The following DNAH1 variants were observed in gnomAD, a reference collection of about 807,000 sequenced individuals.
DNAH1 encodes axonemal beta dynein heavy chain 1.
In DNAH1, 327 loss-of-function variants were observed where a neutral mutation model predicts 484.3. The observed-to-expected ratio is 0.68, with a 90% CI of 0.62 to 0.74. The LOEUF (loss-of-function observed/expected upper bound fraction) is 0.74, where lower values mean the gene tolerates loss of function less well. DNAH1 is among the 30% of genes least tolerant of loss of function. The pLI is 0.00. For synonymous variants in DNAH1, 2,192 were observed against 2,191.9 expected (o/e 1.00, Z 0.00); for missense variants, 5,052 against 5,546.8 (o/e 0.91, Z 2.83).
At chr3:52,351,050 A>G (rs2153223979) in intron 16 of DNAH1, among the ~76,000 whole-genome samples, 1 of 152,216 alleles carries the variant, frequency 6.6e-6, no homozygotes, top group South Asian at 2.1e-4. Context: ...GGGTTTCACC[A>G]TGTTGGCTAG....
chr3:52,343,937 C>T (rs921213265), intron 8 of DNAH1, among the ~76,000 whole-genome samples: 3 of 152,038 alleles, frequency 2.0e-5, no homozygotes, highest in Non-Finnish European at 4.4e-5. Flanking sequence ...ATGGTGTGCA[C>T]GCTCACCCCA....
At chr3:52,352,157 A>C in intron 17 of DNAH1, 54 bp downstream of exon 17, 1 of 1,544,356 alleles carries the variant, frequency 6.5e-7, no homozygotes, top group Non-Finnish European at 8.7e-7. Flanking sequence ...ACACGCACGC[A>C]CAGTTCTCCA....
chr3:52,388,355 G>C (rs1190918480), intron 57 of DNAH1, 21 bp downstream of exon 57: 1 of 1,600,196 alleles, frequency 6.2e-7, no homozygotes, highest in Non-Finnish European at 8.5e-7. Flanking sequence ...AGTGGAGCTG[G>C]TGGGGGAGGG....
chr3:52,371,098 C>T lies in DNAH1; in HGVS notation c.6525+273C>T, dbSNP rs543325072. Reference sequence around the variant, plus strand: ...CTCCCTTTCCAGCCATATGCACTGCCTCTTCCACATTGATGCGGAGCCCAG... The same window carrying T: ...CTCCCTTTCCAGCCATATGCACTGCTTCTTCCACATTGATGCGGAGCCCAG... On this transcript the variant is annotated intron_variant, in intron 41 of 77. Coordinates refer to ENST00000420323, the MANE Select transcript of DNAH1 (RefSeq NM_015512.5). Among the ~76,000 whole-genome samples the T allele has an allele frequency of 4.6e-5, 7 of 152,342 alleles. No individual in the cohort carries two copies. In the South Asian group the frequency reaches 1.4e-3, roughly 32 times the overall value.
rs1363527629 is a variant in DNAH1 at position 52,361,401 on chromosome 3, T to C, written c.4874+49T>C. The C allele has an allele frequency of 6.7e-7, 1 of 1,488,570 alleles. No homozygotes were observed. The highest frequency in any genetic ancestry group is 9.0e-7 in the Non-Finnish European group (1 of 1,111,346). The allele number at this position is 1,488,570 out of a possible 1,614,324, so 92.2% of individuals were successfully genotyped here. A position where few individuals can be genotyped will look rare whatever the true frequency, so the allele number is the denominator to read the frequency against. ...ACAGGATGGGGTGGGACAGCCTAGCTCTCCTTGGGGAGGGCTAGGTGAGGG... is the reference window on the plus strand; with the variant it reads ...ACAGGATGGGGTGGGACAGCCTAGCCCTCCTTGGGGAGGGCTAGGTGAGGG... On this transcript the variant is annotated intron_variant, in intron 29 of 77. Coordinates refer to ENST00000420323, the MANE Select transcript of DNAH1 (RefSeq NM_015512.5). This position sits in a 1 kb window ranked among gnomAD's most constrained non-coding sequence, Gnocchi z 5.6.
At chr3:52,348,030 CT>C in intron 12 of DNAH1, 56 bp downstream of exon 12, 1 of 1,536,412 alleles carries the variant, frequency 6.5e-7, no homozygotes, top group Non-Finnish European at 8.8e-7. Flanking sequence ...CTGCTGATGG[CT>C]CCCTGAGCTC....
intron 60 of DNAH1, among the ~76,000 whole-genome samples, chr3:52,390,543 G>A (rs965586073): frequency 1.1e-4 from 17 of 152,210 alleles, no homozygotes; most frequent in Admixed American, 3.9e-4. Flanking sequence ...GAGGCCAGGC[G>A]TGGGCAGAGG....
intron 76 of DNAH1, 113 bp from the exon 77 acceptor site, chr3:52,399,432 A>T (rs1704803305): frequency 3.8e-6 from 4 of 1,045,700 alleles, no homozygotes; most frequent in Non-Finnish European, 5.6e-6. Context: ...TAGGTACGTG[A>T]TGATGGGCAG....
chr3:52,385,791 T>C (rs764378756), intron 54 of DNAH1, among the ~76,000 whole-genome samples: 4 of 152,254 alleles, frequency 2.6e-5, no homozygotes, highest in Non-Finnish European at 4.4e-5. Context: ...GACAGCTTTC[T>C]GGAAGGAATA....
In DNAH1 at chr3:52,322,600, C is replaced by T; in HGVS notation, c.158C>T (p.Pro53Leu). 2 of 1,613,918 alleles carry T rather than the reference C, an allele frequency of 1.2e-6. No individual in the cohort carries two copies. The highest frequency in any genetic ancestry group is 2.7e-5 in the African/African-American group (2 of 75,008). ...PGSDYGLGNP[P>L]ALDPKLPHLP... ...TCAGACTATGGGTTGGGAAATCCTC[C>T]AGCCCTTGACCCCAAGCTCCCACAT... Residue 53 changes from proline (P) to leucine (L), a missense_variant, in exon 2 of 78, where the codon CCA (proline) becomes CTA (leucine). Pro to Leu is a moderately conservative substitution (Grantham distance 98). Coordinates refer to ENST00000420323, the MANE Select transcript of DNAH1 (RefSeq NM_015512.5).
At chr3:52,330,608 G>A (rs1044351908) in intron 6 of DNAH1, among the ~76,000 whole-genome samples, 1 of 152,178 alleles carries the variant, frequency 6.6e-6, no homozygotes, top group Admixed American at 6.5e-5. Flanking sequence ...AGAGAAGTGG[G>A]CACAGGCTTT....
Position 52,384,867 on chromosome 3 carries a change from G to A in DNAH1, c.8404G>A (p.Val2802Met). Residue 2802 changes from valine (V) to methionine (M), a missense_variant, in exon 53 of 78, where the codon GTG becomes ATG. Coordinates refer to ENST00000420323, the MANE Select transcript of DNAH1 (RefSeq NM_015512.5). ...YLAELTRHNY[V>M]TPKSYLELLH... Reference sequence around the variant, plus strand: ...GGCAGAGCTGACCCGCCACAACTATGTGACCCCCAAGAGCTACTTGGAGCT... The same window carrying A: ...GGCAGAGCTGACCCGCCACAACTATATGACCCCCAAGAGCTACTTGGAGCT... 1.9e-6 allele frequency: 3 copies of A among 1,613,060 alleles called. No homozygotes were observed. Among genetic ancestry groups the A allele is most frequent in the Non-Finnish European group, 2.5e-6 (3 of 1,179,454 alleles).
Position 52,345,712 on chromosome 3 carries a change from T to C in DNAH1, c.1656+6T>C, listed in dbSNP as rs771986943. ...AGTCACAGACCTTCTCCCAGGTTTG[T>C]GGGCATCAAGGGCACAGGGGGCAAA... On this transcript the variant is annotated splice_donor_region_variant and intron_variant, in intron 10 of 77. Coordinates refer to ENST00000420323, the MANE Select transcript of DNAH1 (RefSeq NM_015512.5). 7.5e-6 allele frequency: 12 copies of C among 1,610,628 alleles called. No individual in the cohort carries two copies. In the South Asian group the frequency reaches 1.1e-4, roughly 15 times the overall value.
intron 8 of DNAH1, among the ~76,000 whole-genome samples, chr3:52,340,597 G>A (rs1401374387): frequency 6.6e-6 from 1 of 151,880 alleles, no homozygotes; most frequent in Non-Finnish European, 1.5e-5. Context: ...ACCACGCCTA[G>A]CTAATTTTTG....
intron 26 of DNAH1, 114 bp from the exon 27 acceptor site, chr3:52,359,802 C>T (rs908041387): frequency 7.1e-7 from 1 of 1,401,282 alleles, no homozygotes; most frequent in Non-Finnish European, 9.8e-7. Context: ...CTCAGACCAT[C>T]AGAGACCCCC....
At chr3:52,369,258 A>T (rs1344062898) in intron 37 of DNAH1, among the ~76,000 whole-genome samples, 4 of 152,130 alleles carry the variant, frequency 2.6e-5, no homozygotes, top group Non-Finnish European at 5.9e-5. Flanking sequence ...AATTTCAGCC[A>T]TGTTGCCCCA....
chr3:52,391,137 C>G (rs752684776), intron 61 of DNAH1, 42 bp from the exon 62 acceptor site: 15 of 1,612,294 alleles, frequency 9.3e-6, no homozygotes, highest in Non-Finnish European at 1.3e-5. Flanking sequence ...CTCAGGCTGG[C>G]TCTCAGTCCC....
At position 52,355,108 on chromosome 3, in the gene DNAH1, G is replaced by A. The variant is rs1446931939; in HGVS notation, c.3693+53G>A. 19 of 1,557,852 alleles carry A rather than the reference G, an allele frequency of 1.2e-5. No homozygotes were observed. The highest frequency in any genetic ancestry group is 4.5e-5 in the East Asian group (2 of 44,602). On this transcript the variant is annotated intron_variant, in intron 21 of 77. Coordinates refer to ENST00000420323, the MANE Select transcript of DNAH1 (RefSeq NM_015512.5). The surrounding 1 kb of genome is among the most constrained non-coding windows in gnomAD (Gnocchi z 4.5). The stretch of plus-strand genomic sequence containing the variant: ...ATCGCTCCCCCACTTCAGAGAGCCC[G>A]ACCCACAGGTGTCACTGATGGTCTC...
Position 52,361,571 on chromosome 3 carries a change from C to G in DNAH1, c.4875-90C>G. 7.1e-7 allele frequency: 1 copy of G among 1,411,564 alleles called. No individual in the cohort carries two copies. The highest frequency in any genetic ancestry group is 9.7e-7 in the Non-Finnish European group (1 of 1,031,436). The allele number at this position is 1,411,564 out of a possible 1,614,324, so 87.4% of individuals were successfully genotyped here. ...GGAGATTGCCCCTGAGGGCTTCCTCCCAAGTGGAGTTGGAGGGGGCCCTCA... is the reference window on the plus strand; with the variant it reads ...GGAGATTGCCCCTGAGGGCTTCCTCGCAAGTGGAGTTGGAGGGGGCCCTCA... On this transcript the variant is annotated intron_variant, in intron 29 of 77. Coordinates refer to ENST00000420323, the MANE Select transcript of DNAH1 (RefSeq NM_015512.5). This position sits in a 1 kb window ranked among gnomAD's most constrained non-coding sequence, Gnocchi z 5.6.
Sources: allele counts gnomAD v4.1 joint callset (sites outside exome capture counted in the v4.1 genomes callset), GRCh38; gene constraint gnomAD v4.1.1; non-coding constraint Gnocchi (gnomAD v3.1); transcripts MANE v1.5; gene names NCBI Gene and HGNC (gene_info 2026-07-23, HGNC 2026-07-21).